Variants in SLC24A2 observed in about 807,000 individuals in gnomAD.
SLC24A2 encodes solute carrier family 24 member 2.
Under a neutral mutation model 62.0 loss-of-function variants are expected in SLC24A2, and 36 were observed. The ratio of observed to expected loss-of-function variants is 0.58; its 90% CI spans 0.44 to 0.77. The LOEUF (loss-of-function observed/expected upper bound fraction) is 0.77, where lower values mean the gene tolerates loss of function less well. SLC24A2 is among the 30% of genes least tolerant of loss of function. The pLI is 0.00. For synonymous variants in SLC24A2, 358 were observed against 294.0 expected (o/e 1.22, Z -2.23); for missense variants, 846 against 817.9 (o/e 1.03, Z -0.42).
chr9:20,306,810 C>A, the SLC24A2 span, among the ~76,000 whole-genome samples: 1 of 152,220 alleles, frequency 6.6e-6, no homozygotes, highest in Non-Finnish European at 1.5e-5. Flanking sequence ...GATTCTCCCG[C>A]CTCAGCCTCC....
chr9:19,620,050 A>G (rs1817871903), intron 3 of SLC24A2, among the ~76,000 whole-genome samples: 1 of 152,214 alleles, frequency 6.6e-6, no homozygotes, highest in African/African-American at 2.4e-5. Flanking sequence ...AAGTGAAATG[A>G]GGTGCCCAAG....
intron 2 of SLC24A2, among the ~76,000 whole-genome samples, chr9:19,652,863 T>C (rs749481354): frequency 1.3e-5 from 2 of 151,858 alleles, no homozygotes; most frequent in Non-Finnish European, 2.9e-5. Flanking sequence ...TAACCAATAT[T>C]CGTGAAGCCC....
intron 2 of SLC24A2, among the ~76,000 whole-genome samples, chr9:19,735,104 C>G (rs1318134238): frequency 1.3e-5 from 2 of 152,078 alleles, no homozygotes; most frequent in Non-Finnish European, 2.9e-5. Flanking sequence ...TTTTTGCAAT[C>G]TATCCATCTG....
intron 2 of SLC24A2, among the ~76,000 whole-genome samples, chr9:19,713,780 T>A (rs903199321): frequency 6.6e-6 from 1 of 151,462 alleles, no homozygotes; most frequent in African/African-American, 2.4e-5. Context: ...AAGATTGAGA[T>A]TTTTTTTTCC....
the SLC24A2 span, among the ~76,000 whole-genome samples, chr9:19,861,821 T>G: frequency 6.6e-6 from 1 of 152,028 alleles, no homozygotes; most frequent in Non-Finnish European, 1.5e-5. Flanking sequence ...AGTCTTTTAA[T>G]AGCAGAATTA....
At chr9:19,814,597 A>T in the SLC24A2 span, among the ~76,000 whole-genome samples, 1 of 152,156 alleles carries the variant, frequency 6.6e-6, no homozygotes, top group East Asian at 1.9e-4. Context: ...TGTATTTCTA[A>T]AGGTAAATAA....
At chr9:20,273,141 G>A in the SLC24A2 span, among the ~76,000 whole-genome samples, 28 of 152,126 alleles carry the variant, frequency 1.8e-4, no homozygotes, top group Non-Finnish European at 3.8e-4. Context: ...TGTCCCTGAT[G>A]GAGCACAGGA....
chr9:20,224,236 A>T, the SLC24A2 span, among the ~76,000 whole-genome samples: 2,050 of 152,160 alleles, frequency 0.013, 30 homozygotes, highest in Non-Finnish European at 0.018. Flanking sequence ...ATAAGAATTT[A>T]AAATGTTTAG....
intron 2 of SLC24A2, 43 bp downstream of exon 2, chr9:19,785,894 C>T (rs779982726): frequency 3.7e-5 from 60 of 1,613,294 alleles, no homozygotes; most frequent in South Asian, 6.6e-5. Flanking sequence ...AATTCAGAAC[C>T]GTAGTCAAGA....
At chr9:19,830,956 T>G in the SLC24A2 span, among the ~76,000 whole-genome samples, 1 of 152,170 alleles carries the variant, frequency 6.6e-6, no homozygotes, top group Non-Finnish European at 1.5e-5. Context: ...TGAAGGGTAT[T>G]CTCTGCTTCC....
chr9:19,614,955 C>A (rs576606678), intron 4 of SLC24A2, among the ~76,000 whole-genome samples: 1 of 152,038 alleles, frequency 6.6e-6, no homozygotes, highest in Admixed American at 6.6e-5. Context: ...GCTCAAATTT[C>A]GAATCCACAA....
At chr9:20,155,244 C>A in the SLC24A2 span, among the ~76,000 whole-genome samples, 1 of 151,402 alleles carries the variant, frequency 6.6e-6, no homozygotes, top group South Asian at 2.1e-4. Flanking sequence ...AAAATGCATG[C>A]CTTCTTAGCC....
upstream of SLC24A2, among the ~76,000 whole-genome samples, chr9:19,791,648 A>T (rs1422782239): frequency 6.6e-6 from 1 of 152,238 alleles, no homozygotes; most frequent in Non-Finnish European, 1.5e-5. Context: ...TCCAAATCAC[A>T]CTACGTGGAA....
chr9:19,789,528 G>A (rs1264652050), upstream of SLC24A2, among the ~76,000 whole-genome samples: 3 of 152,226 alleles, frequency 2.0e-5, no homozygotes, highest in Admixed American at 1.3e-4. Context: ...AGGGGCTTCA[G>A]TCTTGCAGGG....
At chr9:19,934,461 A>C in the SLC24A2 span, among the ~76,000 whole-genome samples, 80,918 of 151,304 alleles carry the variant, frequency 0.53, 22,016 homozygotes, top group East Asian at 0.73. The surrounding 1 kb of genome is among the most constrained non-coding windows in gnomAD (Gnocchi z 4.1). Flanking sequence ...CACCACAAGG[A>C]CCCCAAGCAA....
the SLC24A2 span, among the ~76,000 whole-genome samples, chr9:20,098,864 T>C: frequency 6.6e-6 from 1 of 152,232 alleles, no homozygotes; most frequent in Non-Finnish European, 1.5e-5. Context: ...TCTGGTCTAG[T>C]ATTTTCAGAG....
the SLC24A2 span, among the ~76,000 whole-genome samples, chr9:20,199,722 CTTTT>C: frequency 1.6e-4 from 23 of 145,574 alleles, no homozygotes; most frequent in African/African-American, 5.9e-4. Context: ...TTTTTTCTTT[CTTTT>C]TTTTTTTTTT....
intron 7 of SLC24A2, among the ~76,000 whole-genome samples, chr9:19,553,191 T>A (rs1834927475): frequency 6.6e-6 from 1 of 152,174 alleles, no homozygotes; most frequent in African/African-American, 2.4e-5. Context: ...GTTTGCAAGC[T>A]GGTTAGAGAA....
At chr9:19,740,163 C>A (rs2224487) in intron 2 of SLC24A2, among the ~76,000 whole-genome samples, 100,991 of 151,580 alleles carry the variant, frequency 0.67, 33,945 homozygotes, top group East Asian at 0.85. Flanking sequence ...TTGAAAAATT[C>A]TTAGGCAGTA....
Sources: allele counts gnomAD v4.1 joint callset (sites outside exome capture counted in the v4.1 genomes callset), GRCh38; gene constraint gnomAD v4.1.1; non-coding constraint Gnocchi (gnomAD v3.1); transcripts MANE v1.5; gene names NCBI Gene and HGNC (gene_info 2026-07-23, HGNC 2026-07-21).